CAB39: variants seen among roughly 807,000 people sequenced by gnomAD.
CAB39 encodes the protein calcium-binding protein 39.
CAB39 carries 8 observed loss-of-function variants against 40.0 expected under a neutral mutation model. The ratio of observed to expected loss-of-function variants is 0.20; its 90% CI spans 0.12 to 0.36. The LOEUF (loss-of-function observed/expected upper bound fraction) is 0.36. Ranked by LOEUF, CAB39 falls within the 10% of genes least tolerant of loss-of-function variation. CAB39 has a pLI of 1.00. For missense variants in CAB39, 270 were observed against 401.1 expected (o/e 0.67, Z 2.79); for synonymous variants, 156 against 141.6 (o/e 1.10, Z -0.72).
intron 1 of CAB39, among the ~76,000 whole-genome samples, chr2:230,732,243 G>A (rs1575906679): frequency 2.0e-5 from 3 of 151,996 alleles, no homozygotes; most frequent in African/African-American, 7.3e-5. Context: ...CACCACGCGC[G>A]GCTAATTTTT....
chr2:230,799,819 C>T (rs1035949834), intron 5 of CAB39, among the ~76,000 whole-genome samples: 2 of 151,894 alleles, frequency 1.3e-5, no homozygotes, highest in African/African-American at 4.8e-5. Context: ...GGAGAAACCC[C>T]GTCTCTACTA....
intron 6 of CAB39, among the ~76,000 whole-genome samples, chr2:230,811,986 T>C (rs140503456): frequency 1.4e-3 from 212 of 152,290 alleles, no homozygotes; most frequent in African/African-American, 4.8e-3. Flanking sequence ...AGTCAGATCT[T>C]ATAGAGGGAG....
intron 2 of CAB39, among the ~76,000 whole-genome samples, chr2:230,783,850 T>C (rs1695741589): frequency 6.6e-6 from 1 of 152,200 alleles, no homozygotes; most frequent in African/African-American, 2.4e-5. Flanking sequence ...TATGATAACA[T>C]CACATTTCTC....
At chr2:230,755,385 T>C (rs912441487) in intron 1 of CAB39, among the ~76,000 whole-genome samples, 112 of 152,214 alleles carry the variant, frequency 7.4e-4, no homozygotes, top group African/African-American at 2.5e-3. Flanking sequence ...ATTTCCCTGA[T>C]CATTAGTGAT....
chr2:230,795,232 C>T (rs758140259), intron 4 of CAB39, among the ~76,000 whole-genome samples: 2 of 150,980 alleles, frequency 1.3e-5, no homozygotes, highest in South Asian at 2.1e-4. Context: ...GCCGAGATTG[C>T]GCCACTGCAC....
intron 1 of CAB39, among the ~76,000 whole-genome samples, chr2:230,739,399 A>T (rs916194046): frequency 1.3e-5 from 2 of 152,254 alleles, no homozygotes; most frequent in Non-Finnish European, 2.9e-5. Context: ...AAGATGGCAG[A>T]TCTGTATTGA....
intron 4 of CAB39, among the ~76,000 whole-genome samples, chr2:230,797,589 C>T (rs1696009789): frequency 6.6e-6 from 1 of 151,678 alleles, no homozygotes; most frequent in African/African-American, 2.4e-5. Flanking sequence ...TTTATGGTAG[C>T]CCTTTAACGG....
intron 2 of CAB39, among the ~76,000 whole-genome samples, chr2:230,784,059 C>T (rs1000329596): frequency 7.2e-5 from 11 of 152,074 alleles, no homozygotes; most frequent in South Asian, 2.1e-4. Context: ...AGTCAGTACA[C>T]GATATATTAA....
rs1198140121 is a variant in CAB39, at chr2:230,790,865, A to T, written c.115-7A>T. 1 of 1,594,026 alleles carries T rather than the reference A, an allele frequency of 6.3e-7. No homozygotes were observed. The highest frequency in any genetic ancestry group is 1.1e-5 in the South Asian group (1 of 87,076). On this transcript the variant is annotated splice_polypyrimidine_tract_variant and splice_region_variant and intron_variant, in intron 2 of 8. Coordinates refer to ENST00000258418, the MANE Select transcript of CAB39 (RefSeq NM_016289.4). ...CTCCTCTTCCCAACTCCTCTCTCTA[A>T]AATTAGGCTACAGAAGAAGTTTCCA...
At chr2:230,815,027 C>T (rs1380881663) in intron 7 of CAB39, among the ~76,000 whole-genome samples, 1 of 152,242 alleles carries the variant, frequency 6.6e-6, no homozygotes, top group Non-Finnish European at 1.5e-5. Flanking sequence ...CACTCATCCC[C>T]TTCCTACCGT....
At chr2:230,752,037 C>CT in intron 1 of CAB39, 1 of 93,850 alleles carries the variant, frequency 1.1e-5, no homozygotes, top group East Asian at 3.9e-4. Context: ...CCACCCCCCC[C>CT]CCCCCCACAT....
intron 2 of CAB39, among the ~76,000 whole-genome samples, chr2:230,775,201 C>CAAATCTG (rs1310091754): frequency 6.6e-6 from 1 of 151,222 alleles, no homozygotes; most frequent in Non-Finnish European, 1.5e-5. Flanking sequence ...TCATTCCCCC[C>CAAATCTG]AAATCTGAGC....
chr2:230,773,746 A>G (rs1695534007), intron 2 of CAB39, among the ~76,000 whole-genome samples: 1 of 152,184 alleles, frequency 6.6e-6, no homozygotes, highest in Admixed American at 6.5e-5. Flanking sequence ...TTGGGAGACC[A>G]TATAATGTAA....
intron 2 of CAB39, among the ~76,000 whole-genome samples, chr2:230,764,068 G>C (rs1381576318): frequency 6.6e-6 from 1 of 152,042 alleles, no homozygotes; most frequent in Non-Finnish European, 1.5e-5. Flanking sequence ...GTTGCAGGGA[G>C]CCAAGATCGT....
At chr2:230,758,748 C>T (rs1010027756) in intron 1 of CAB39, among the ~76,000 whole-genome samples, 1 of 152,000 alleles carries the variant, frequency 6.6e-6, no homozygotes, top group African/African-American at 2.4e-5. Context: ...TGGGGAGCAC[C>T]TTGGGCAGTT....
chr2:230,757,065 G>C (rs548059975), intron 1 of CAB39, among the ~76,000 whole-genome samples: 1 of 152,176 alleles, frequency 6.6e-6, no homozygotes, highest in African/African-American at 2.4e-5. Flanking sequence ...TCCTACTGAG[G>C]AATGTCACTT....
chr2:230,779,945 T>A (rs916227260), intron 2 of CAB39, among the ~76,000 whole-genome samples: 1 of 152,150 alleles, frequency 6.6e-6, no homozygotes, highest in African/African-American at 2.4e-5. Context: ...AGAGAAGGAA[T>A]GTAGATGACA....
intron 2 of CAB39, among the ~76,000 whole-genome samples, chr2:230,770,983 CG>C (rs1235201756): frequency 6.6e-6 from 1 of 152,130 alleles, no homozygotes; most frequent in Non-Finnish European, 1.5e-5. Flanking sequence ...ATCAAGAAGA[CG>C]ACAGGGATAT....
intron 1 of CAB39, among the ~76,000 whole-genome samples, chr2:230,720,921 A>G (rs769551880): frequency 9.2e-5 from 14 of 152,128 alleles, no homozygotes; most frequent in Non-Finnish European, 1.9e-4. Flanking sequence ...CTCTAGTTAC[A>G]GTATGGTTTC....
Sources: allele counts gnomAD v4.1 joint callset (sites outside exome capture counted in the v4.1 genomes callset), GRCh38; gene constraint gnomAD v4.1.1; transcripts MANE v1.5; gene names NCBI Gene and HGNC (gene_info 2026-07-23, HGNC 2026-07-21).